Variants in IFT140 observed in about 807,000 individuals in gnomAD.
IFT140 encodes the protein intraflagellar transport protein 140 homolog.
A neutral mutation model predicts 164.6 loss-of-function variants in IFT140; 133 were observed. That is an observed-to-expected ratio of 0.81 (90% confidence interval 0.70 to 0.93). The LOEUF is 0.93. Ranked by LOEUF, IFT140 falls within the 40% of genes least tolerant of loss-of-function variation. The probability of loss-of-function intolerance (pLI) is 0.00; values close to 1 mark genes in which losing one functional copy is unlikely to be tolerated. For synonymous variants in IFT140, 860 were observed against 817.3 expected (o/e 1.05, Z -0.89); for missense variants, 2,045 against 1,972.3 (o/e 1.04, Z -0.70).
intron 19 of IFT140, among the ~76,000 whole-genome samples, chr16:1,537,066 T>C (rs12923143): frequency 0.013 from 2,032 of 152,330 alleles, 19 homozygotes; most frequent in Non-Finnish European, 0.022. Context: ...CCTTGGCCAG[T>C]GTTCCTTGTA....
At chr16:1,563,759 C>T (rs995053550) in intron 17 of IFT140, among the ~76,000 whole-genome samples, 6 of 152,126 alleles carry the variant, frequency 3.9e-5, no homozygotes, top group Non-Finnish European at 7.4e-5. Flanking sequence ...TTTCCCAGAC[C>T]CCATGCTAGG....
Position 1,534,113 on chromosome 16 carries a change from G to A in IFT140, c.2400-7317C>T, listed in dbSNP as rs1043863135. On this transcript the variant is annotated intron_variant, in intron 19 of 30. Transcript: ENST00000426508. ...AGGAAGGAGGATAAGGCCGGGCCGA[G>A]AGGCGGCACACCTGGACCATCCCAT... The A allele has an allele frequency of 3.9e-5, 32 of 829,648 alleles. No individual in the cohort carries two copies. The African/African-American group carries it at 5.5e-4, about 14-fold the overall frequency. 51.4% of individuals were successfully genotyped at this position (829,648 alleles called of 1,614,324 possible).
intron 26 of IFT140, among the ~76,000 whole-genome samples, chr16:1,522,673 T>C (rs889989933): frequency 5.9e-5 from 9 of 152,084 alleles, no homozygotes; most frequent in African/African-American, 1.9e-4. Flanking sequence ...ACCCCATCTC[T>C]ACTAAAATAC....
intron 19 of IFT140, among the ~76,000 whole-genome samples, chr16:1,528,092 A>G (rs1247257164): frequency 6.6e-6 from 1 of 152,118 alleles, no homozygotes; most frequent in Non-Finnish European, 1.5e-5. Flanking sequence ...GGTGGGTCCA[A>G]GGCCATCCAG....
intron 15 of IFT140, among the ~76,000 whole-genome samples, chr16:1,567,654 C>A (rs1322839330): frequency 1.3e-5 from 2 of 152,232 alleles, no homozygotes; most frequent in African/African-American, 4.8e-5. Flanking sequence ...AGATCAGTCA[C>A]GGCCCTTGAA....
chr16:1,590,200 CAA>C (rs559750583), intron 6 of IFT140, among the ~76,000 whole-genome samples: 8,506 of 78,030 alleles, frequency 0.11, 270 homozygotes, highest in African/African-American at 0.17. Flanking sequence ...GACTCTGTCT[CAA>C]AAAAAAAAAA....
intron 19 of IFT140, chr16:1,541,955 G>A: frequency 6.2e-7 from 1 of 1,608,924 alleles, no homozygotes; most frequent in East Asian, 2.2e-5. Context: ...GCAACCTGGT[G>A]GCCACGGCCG....
intron 13 of IFT140, among the ~76,000 whole-genome samples, chr16:1,578,832 C>T (rs901243289): frequency 3.3e-5 from 5 of 152,228 alleles, no homozygotes; most frequent in Admixed American, 3.3e-4. Flanking sequence ...CTGCCTCAGT[C>T]TCCTGAGTAG....
intron 19 of IFT140, chr16:1,534,618 G>C: frequency 6.3e-7 from 1 of 1,591,420 alleles, no homozygotes; most frequent in Non-Finnish European, 8.5e-7. Flanking sequence ...CATGGGAGAT[G>C]TTAGGCGCGG....
intron 4 of IFT140, among the ~76,000 whole-genome samples, chr16:1,599,845 T>C (rs1347520470): frequency 3.7e-5 from 3 of 80,202 alleles, no homozygotes; most frequent in African/African-American, 1.6e-4. Context: ...TCAGCCCCCC[T>C]GCCCGGCCAG....
chr16:1,518,222 G>A lies in IFT140; in HGVS notation c.4176C>T (p.Tyr1392=), dbSNP rs923127458. 3.7e-6 allele frequency: 6 copies of A among 1,612,862 alleles called. No homozygotes were observed. Among genetic ancestry groups the A allele is most frequent in the Non-Finnish European group, 5.1e-6 (6 of 1,179,816 alleles). Residue 1392 remains tyrosine (Y), a synonymous_variant, in exon 30 of 31, where the codon TAC becomes TAT. Transcript: ENST00000426508. ...LVEHYVRKEE[Y]QTAYRFLEEM... ...AGCAGCACTCAGGCCTCACCGTCTG[G>A]TATTCCTCCTTCCGCACGTAGTGCT...
chr16:1,596,179 T>C (rs1054488809), intron 4 of IFT140, among the ~76,000 whole-genome samples: 1 of 141,252 alleles, frequency 7.1e-6, no homozygotes, highest in Non-Finnish European at 1.5e-5. Context: ...ATGATAGAAA[T>C]GAAAATGAAT....
chr16:1,544,662 T>G (rs1316998602), intron 19 of IFT140, among the ~76,000 whole-genome samples: 2 of 151,882 alleles, frequency 1.3e-5, no homozygotes, highest in Non-Finnish European at 2.9e-5. Flanking sequence ...TTTTTTTCTT[T>G]TTTTGAGATG....
intron 27 of IFT140, 102 bp from the exon 28 acceptor site, chr16:1,520,445 G>T: frequency 7.3e-7 from 1 of 1,379,038 alleles, no homozygotes; most frequent in Non-Finnish European, 1.0e-6. Flanking sequence ...GCTCAGGGCT[G>T]CCCGGTAGAG....
chr16:1,557,328 G>C (rs998240053), intron 19 of IFT140, among the ~76,000 whole-genome samples: 1 of 152,310 alleles, frequency 6.6e-6, no homozygotes, highest in Non-Finnish European at 1.5e-5. Context: ...GACGACAGCG[G>C]GCCGGGGTCC....
chr16:1,584,203 C>T lies in IFT140; in HGVS notation c.1359+14G>A. The T allele has an allele frequency of 1.2e-6, 2 of 1,609,532 alleles. No individual in the cohort carries two copies. Among genetic ancestry groups the T allele is most frequent in the Non-Finnish European group, 1.7e-6 (2 of 1,177,788 alleles). The stretch of plus-strand genomic sequence containing the variant: ...TCTGTCTGTGTCCCACCCACGGGTC[C>T]CCTCGGCAGTCACCTTGGTGGCAAA... On this transcript the variant is annotated intron_variant, in intron 11 of 30. Coordinates refer to ENST00000426508, the MANE Select transcript of IFT140 (RefSeq NM_014714.4).
At chr16:1,569,799 G>T (rs2033926378) in intron 14 of IFT140, among the ~76,000 whole-genome samples, 1 of 151,138 alleles carries the variant, frequency 6.6e-6, no homozygotes, top group Admixed American at 6.6e-5. Flanking sequence ...TGCTGCCCAG[G>T]CTGGTCTTGA....
In IFT140 at chr16:1,551,287, G is replaced by A. The variant is rs1163569401; in HGVS notation, c.2399+6648C>T. 2.6e-5 allele frequency among the ~76,000 whole-genome samples: 4 copies of A among 152,180 alleles called. No individual in the cohort carries two copies. The highest frequency in any genetic ancestry group is 2.0e-4 in the Admixed American group (3 of 15,288). On this transcript the variant is annotated intron_variant, in intron 19 of 30. Coordinates refer to ENST00000426508, the MANE Select transcript of IFT140 (RefSeq NM_014714.4). This position sits in a 1 kb window ranked among gnomAD's most constrained non-coding sequence, Gnocchi z 4.0. ...AAAGACACAATGACCACGGCTGGCA[G>A]GGGTGGGCAGGTGCAACTCTAAGCC...
rs869165237 is a variant in IFT140, at chr16:1,516,139, C to CAAAAAAAAAAAAAAAAAAAAAAAAAAAAA, written c.4182+2048_4182+2076dup. Among the ~76,000 whole-genome samples, 8 of 46,024 alleles carry CAAAAAAAAAAAAAAAAAAAAAAAAAAAAA rather than the reference C, an allele frequency of 1.7e-4. 2 individuals are homozygous for CAAAAAAAAAAAAAAAAAAAAAAAAAAAAA. Among genetic ancestry groups the CAAAAAAAAAAAAAAAAAAAAAAAAAAAAA allele is most frequent in the Non-Finnish European group, 3.6e-4 (8 of 22,028 alleles). 30.2% of individuals were successfully genotyped at this position (46,024 alleles called of 152,430 possible). A position where few individuals can be genotyped will look rare whatever the true frequency, so the allele number is the denominator to read the frequency against. On this transcript the variant is annotated intron_variant, in intron 30 of 30. Transcript: ENST00000426508. ...GGCTACAAAGAGCAAAACTCTGTCT[C>CAAAAAAAAAAAAAAAAAAAAAAAAAAAAA]AAAAAAAAAAAAAAAAAAAAAAAAA... is the stretch of plus-strand genomic sequence containing the variant.
Sources: allele counts gnomAD v4.1 joint callset (sites outside exome capture counted in the v4.1 genomes callset), GRCh38; gene constraint gnomAD v4.1.1; non-coding constraint Gnocchi (gnomAD v3.1); transcripts MANE v1.5; gene names NCBI Gene and HGNC (gene_info 2026-07-23, HGNC 2026-07-21).